Variants in TGFB2 observed in about 807,000 individuals in gnomAD.
The protein encoded by TGFB2 is transforming growth factor beta 2.
A neutral mutation model predicts 42.7 loss-of-function variants in TGFB2; 13 were observed. That is an observed-to-expected ratio of 0.30 (90% confidence interval 0.20 to 0.48). The LOEUF (loss-of-function observed/expected upper bound fraction) is 0.48. Among genes scored for constraint, TGFB2 ranks in the 20% least tolerant of loss-of-function variants. The probability of loss-of-function intolerance (pLI) is 0.99; values close to 1 mark genes in which losing one functional copy is unlikely to be tolerated. For synonymous variants in TGFB2, 193 were observed against 193.6 expected (o/e 1.00, Z 0.03); for missense variants, 390 against 517.5 (o/e 0.75, Z 2.39).
chr1:218,400,323 G>A (rs74816766), intron 1 of TGFB2, among the ~76,000 whole-genome samples: 2,657 of 152,104 alleles, frequency 0.017, 82 homozygotes, highest in African/African-American at 0.059. Flanking sequence ...CAACTGTCAC[G>A]GTGTTTTTTT....
chr1:218,376,416 T>C (rs1657743616), intron 1 of TGFB2, among the ~76,000 whole-genome samples: 1 of 152,218 alleles, frequency 6.6e-6, no homozygotes, highest in Admixed American at 6.5e-5. Context: ...TTAATTCAGT[T>C]ATAATTCACC....
rs1423446403 is a variant in TGFB2 at position 218,346,747 on chromosome 1, A to G, written c.46A>G (p.Thr16Ala). 1.9e-6 allele frequency: 3 copies of G among 1,613,974 alleles called. No homozygotes were observed. Among genetic ancestry groups the G allele is most frequent in the Non-Finnish European group, 2.5e-6 (3 of 1,180,030 alleles). The change falls in exon 1 of 7, where the codon ACG becomes GCG. Residue 16 changes from threonine (T) to alanine (A), a missense_variant. Physicochemically the swap from Thr to Ala is moderately conservative, Grantham distance 58. Transcript: ENST00000366930. The surrounding 1 kb of genome is among the most constrained non-coding windows in gnomAD (Gnocchi z 4.9). ...CGCTTTTCTGATCCTGCATCTGGTC[A>G]CGGTCGCGCTCAGCCTGTCTACCTG... is the stretch of plus-strand genomic sequence containing the variant. ...LSAFLILHLV[T>A]VALSLSTCST... is the part of the protein sequence containing the mutation.
At chr1:218,355,445 T>C (rs1489813619) in intron 1 of TGFB2, among the ~76,000 whole-genome samples, 1 of 152,230 alleles carries the variant, frequency 6.6e-6, no homozygotes, top group Non-Finnish European at 1.5e-5. Flanking sequence ...GAAATCCTAC[T>C]CCAGGCCTGT....
At chr1:218,414,972 T>A (rs1659225907) in intron 2 of TGFB2, among the ~76,000 whole-genome samples, 1 of 152,138 alleles carries the variant, frequency 6.6e-6, no homozygotes, top group South Asian at 2.1e-4. Flanking sequence ...TGACCATGAT[T>A]CCATACTAGC....
At position 218,345,935 on chromosome 1, in the gene TGFB2, A is replaced by T. The variant is rs1320071048; in HGVS notation, c.-767A>T. ...GGCCACGGAGCGCAGCTCCCAGAGC[A>T]GGATCCGCGCCGCCTCAGCAGCCTC... On this transcript the variant is annotated 5_prime_UTR_variant, in exon 1 of 7. Coordinates refer to ENST00000366930, the MANE Select transcript of TGFB2 (RefSeq NM_003238.6). Among the ~76,000 whole-genome samples the T allele has an allele frequency of 2.6e-5, 4 of 151,966 alleles. No homozygotes were observed.
chr1:218,441,125 G>A lies in TGFB2; in HGVS notation c.1087-79G>A. On this transcript the variant is annotated intron_variant, in intron 6 of 6. Coordinates refer to ENST00000366930, the MANE Select transcript of TGFB2 (RefSeq NM_003238.6). ...ACTCAGTGCTGTGACTGCTAACAAT[G>A]TGGAATTCTTTTTAAAAACGAATTG... is the stretch of plus-strand genomic sequence containing the variant. The A allele has an allele frequency of 2.9e-6, 4 of 1,392,062 alleles. No individual in the cohort carries two copies. In the South Asian group the frequency reaches 3.9e-5, roughly 14 times the overall value. 86.2% of individuals were successfully genotyped at this position (1,392,062 alleles called of 1,614,324 possible).
In TGFB2 at chr1:218,441,869, C is replaced by G. The variant is rs1660165294; in HGVS notation, c.*507C>G. ...TTACTATATAATGAACGTTTCATTG[C>G]CCTTGGAAAATAAAACAGGTGTATA... On this transcript the variant is annotated 3_prime_UTR_variant, in exon 7 of 7. Transcript: ENST00000366930. 6.6e-6 allele frequency: 1 copy of G among 152,100 alleles called. No individual in the cohort carries two copies. The highest frequency in any genetic ancestry group is 2.4e-5 in the African/African-American group (1 of 41,340). The allele number at this position is 152,100 out of a possible 1,614,324, so 9.4% of individuals were successfully genotyped here.
At chr1:218,362,742 T>C (rs1657256578) in intron 1 of TGFB2, among the ~76,000 whole-genome samples, 1 of 152,220 alleles carries the variant, frequency 6.6e-6, no homozygotes, top group South Asian at 2.1e-4. Context: ...AAGTTCAAAT[T>C]TTCCAGATGT....
chr1:218,423,025 C>T (rs1174668086), intron 2 of TGFB2, among the ~76,000 whole-genome samples: 2 of 152,090 alleles, frequency 1.3e-5, no homozygotes, highest in East Asian at 3.9e-4. Flanking sequence ...AAGGCTCCTC[C>T]AAAGCCAATG....
At chr1:218,427,943 C>G (rs949962002) in intron 2 of TGFB2, among the ~76,000 whole-genome samples, 2 of 152,188 alleles carry the variant, frequency 1.3e-5, no homozygotes. Context: ...AGTTTACAGT[C>G]CCACCAACAG....
Position 218,410,480 on chromosome 1 carries a change from C to T in TGFB2, c.510+5148C>T, listed in dbSNP as rs1435304064. The stretch of plus-strand genomic sequence containing the variant: ...TGAATGATAGGAAAATAAAATCTTT[C>T]TTTCCTGCTTTCTCTAACCTCTTTC... On this transcript the variant is annotated intron_variant, in intron 2 of 6. Transcript: ENST00000366930. 2.0e-5 allele frequency among the ~76,000 whole-genome samples: 3 copies of T among 152,182 alleles called. No individual in the cohort carries two copies. The East Asian group carries it at 5.8e-4, about 29-fold the overall frequency.
intron 1 of TGFB2, among the ~76,000 whole-genome samples, chr1:218,367,134 G>A (rs1389321247): frequency 6.6e-6 from 1 of 152,200 alleles, no homozygotes; most frequent in South Asian, 2.1e-4. Flanking sequence ...CCGGGCAACG[G>A]TGGAGTGGGG....
intron 2 of TGFB2, among the ~76,000 whole-genome samples, chr1:218,419,151 C>T (rs1181380050): frequency 6.6e-6 from 1 of 152,152 alleles, no homozygotes; most frequent in Non-Finnish European, 1.5e-5. Context: ...CTGGCTCTGA[C>T]CTGTTCCTTA....
chr1:218,367,549 A>G (rs17173696), intron 1 of TGFB2, among the ~76,000 whole-genome samples: 5,100 of 152,232 alleles, frequency 0.034, 302 homozygotes, highest in African/African-American at 0.12. Flanking sequence ...GATATTCTAT[A>G]ACTACCGTAG....
intron 2 of TGFB2, among the ~76,000 whole-genome samples, chr1:218,422,514 C>T (rs1235608834): frequency 6.6e-6 from 1 of 152,174 alleles, no homozygotes; most frequent in African/African-American, 2.4e-5. Flanking sequence ...AGGCACCACG[C>T]CTGGCCTTGT....
intron 2 of TGFB2, among the ~76,000 whole-genome samples, chr1:218,407,224 C>T (rs962845723): frequency 1.6e-4 from 25 of 152,100 alleles, no homozygotes; most frequent in Admixed American, 9.2e-4. Context: ...TGCATCCCCA[C>T]GCCTAACTCT....
In TGFB2 at chr1:218,346,580, G is replaced by T; in HGVS notation, c.-122G>T. 2.7e-6 allele frequency: 2 copies of T among 734,098 alleles called. No homozygotes were observed. Among genetic ancestry groups the T allele is most frequent in the Non-Finnish European group, 4.1e-6 (2 of 491,854 alleles). 45.5% of individuals were successfully genotyped at this position (734,098 alleles called of 1,614,324 possible). ...TGACTAGATTGTTTGCAAAAGTTTC[G>T]CATCAAAAACAACAACAACAAAAAA... On this transcript the variant is annotated 5_prime_UTR_variant, in exon 1 of 7. Transcript: ENST00000366930. The surrounding 1 kb of genome is among the most constrained non-coding windows in gnomAD (Gnocchi z 4.9).
chr1:218,367,158 A>G lies in TGFB2; in HGVS notation c.346+20111A>G, dbSNP rs369057031. Among the ~76,000 whole-genome samples, 12 of 152,238 alleles carry G rather than the reference A, an allele frequency of 7.9e-5. No homozygotes were observed. The East Asian group carries it at 1.5e-3, about 20-fold the overall frequency. On this transcript the variant is annotated intron_variant, in intron 1 of 6. Coordinates refer to ENST00000366930, the MANE Select transcript of TGFB2 (RefSeq NM_003238.6). ...GGTGGAGTGGGGAAGGGACTTTCAA[A>G]GCTAGTGTTTAATGCATAAGTGACA...
intron 1 of TGFB2, among the ~76,000 whole-genome samples, chr1:218,392,691 C>T (rs530090276): frequency 6.6e-6 from 1 of 152,340 alleles, no homozygotes; most frequent in Admixed American, 6.5e-5. Flanking sequence ...CCTTTGTGTG[C>T]TATCATTTCT....
Sources: gnomAD v4.1 joint callset for allele counts (sites outside exome capture counted in the v4.1 genomes callset) on GRCh38, gnomAD v4.1.1 for gene constraint, Gnocchi (gnomAD v3.1) non-coding constraint, MANE v1.5 for transcripts, NCBI Gene and HGNC (gene_info 2026-07-23, HGNC 2026-07-21) for gene names.